The following DCHS2 variants were observed in gnomAD, a reference collection of about 807,000 sequenced individuals.
DCHS2 encodes the protein protocadherin-23.
In DCHS2, 142 loss-of-function variants were observed where a neutral mutation model predicts 182.4. The observed-to-expected ratio is 0.78, with a 90% CI of 0.68 to 0.89. DCHS2 has a LOEUF of 0.89. Ranked by LOEUF, DCHS2 falls within the 40% of genes least tolerant of loss-of-function variation. The pLI, the probability that DCHS2 is intolerant of heterozygous loss-of-function variation, is 0.00. For missense variants in DCHS2, 4,319 were observed against 4,198.6 expected, an observed-to-expected ratio of 1.03 and a Z score of -0.79; for synonymous variants, 1,740 against 1,663.3, an observed-to-expected ratio of 1.05 and a Z score of -1.12.
intron 3 of DCHS2, among the ~76,000 whole-genome samples, chr4:154,358,711 C>G (rs917347801): frequency 1.3e-5 from 2 of 151,890 alleles, no homozygotes; most frequent in Non-Finnish European, 2.9e-5. Context: ...CTTTTTTAAA[C>G]ATTTATATAT....
At chr4:154,344,188 A>G (rs1389373472) in intron 3 of DCHS2, among the ~76,000 whole-genome samples, 2 of 152,234 alleles carry the variant, frequency 1.3e-5, no homozygotes, top group Non-Finnish European at 2.9e-5. Context: ...ATTACTGATC[A>G]CAGATCATCA....
chr4:154,476,122 A>G (rs1431623318), intron 1 of DCHS2, among the ~76,000 whole-genome samples: 1 of 152,254 alleles, frequency 6.6e-6, no homozygotes, highest in African/African-American at 2.4e-5. Context: ...GAATAAACTA[A>G]AAAGTTAAAA....
intron 1 of DCHS2, among the ~76,000 whole-genome samples, chr4:154,464,953 C>T (rs1478836472): frequency 2.0e-5 from 3 of 152,122 alleles, no homozygotes; most frequent in Non-Finnish European, 4.4e-5. Flanking sequence ...TCCTAGTCTC[C>T]CCAGGTTTCC....
chr4:154,314,742 T>C (rs1735791439), intron 10 of DCHS2, among the ~76,000 whole-genome samples: 2 of 152,334 alleles, frequency 1.3e-5, no homozygotes, highest in South Asian at 2.1e-4. Flanking sequence ...TACATTGATA[T>C]ATAATGCCAT....
chr4:154,490,953 G>T lies in DCHS2; in HGVS notation c.403C>A (p.Arg135=). 4 of 1,550,356 alleles carry T rather than the reference G, an allele frequency of 2.6e-6. No homozygotes were observed. The highest frequency in any genetic ancestry group is 2.6e-6 in the Non-Finnish European group (3 of 1,146,286). ...GCGACGAAGCTGTAGTGGTCCCGCC[G>T]CTCGCGGTCCAGGCGCCGCGCAGTG... The part of the protein sequence containing the change: ...IRTARRLDRE[R]RDHYSFVAAT... Residue 135 remains arginine, a synonymous_variant, in exon 1 of 20, where the codon CGG becomes AGG. Coordinates refer to ENST00000357232, the MANE Select transcript of DCHS2 (RefSeq NM_001358235.2).
At chr4:154,445,567 G>C (rs1045822754) in intron 1 of DCHS2, among the ~76,000 whole-genome samples, 2 of 152,172 alleles carry the variant, frequency 1.3e-5, no homozygotes, top group East Asian at 3.8e-4. Context: ...CCAGTGCTTT[G>C]GGAGGCCAAG....
At chr4:154,334,812 A>C in intron 4 of DCHS2, 56 bp downstream of exon 4, 1 of 1,437,932 alleles carries the variant, frequency 7.0e-7, no homozygotes, top group Non-Finnish European at 9.7e-7. Flanking sequence ...GCCTACAAAA[A>C]AACAAGAAAT....
intron 14 of DCHS2, among the ~76,000 whole-genome samples, chr4:154,267,466 G>A (rs1429535760): frequency 6.6e-6 from 1 of 151,984 alleles, no homozygotes; most frequent in Admixed American, 6.6e-5. Flanking sequence ...AGCACTGGTG[G>A]AACCATTCCA....
chr4:154,259,714 A>C lies in DCHS2; in HGVS notation c.6620T>G (p.Val2207Gly). The C allele has an allele frequency of 6.2e-7, 1 of 1,613,946 alleles. No individual in the cohort carries two copies. The highest frequency in any genetic ancestry group is 1.1e-5 in the South Asian group (1 of 91,062). Reference protein sequence around the residue: ...VKEPKFLDFEVRNEVQLIVLA... With the variant: ...VKEPKFLDFEGRNEVQLIVLA... The stretch of plus-strand genomic sequence containing the variant: ...AACGATGAGTTGAACCTCATTTCTG[A>C]CTTCAAAATCAAGAAACTTGGGTTC... The change falls in exon 15 of 20, where the codon GTC (valine) becomes GGC (glycine). Residue 2207 changes from valine to glycine, a missense_variant. Transcript: ENST00000357232.
chr4:154,263,399 T>C, intron 14 of DCHS2, among the ~76,000 whole-genome samples: 1 of 151,900 alleles, frequency 6.6e-6, no homozygotes, highest in East Asian at 1.9e-4. Context: ...TAGACATATA[T>C]GTGTATGTAT....
At chr4:154,486,475 T>C (rs1350214574) in intron 1 of DCHS2, 3 of 1,304,806 alleles carry the variant, frequency 2.3e-6, no homozygotes. Context: ...TGTATTTCCT[T>C]TTGTTTTTGT....
intron 13 of DCHS2, among the ~76,000 whole-genome samples, chr4:154,275,864 C>G (rs1357233546): frequency 1.3e-5 from 2 of 151,890 alleles, no homozygotes; most frequent in Non-Finnish European, 2.9e-5. Flanking sequence ...TTATACATGG[C>G]CTCTCTCATA....
intron 1 of DCHS2, among the ~76,000 whole-genome samples, chr4:154,381,537 G>T (rs1269348951): frequency 6.6e-6 from 1 of 151,872 alleles, no homozygotes; most frequent in Admixed American, 6.6e-5. Context: ...TAGAGAATTC[G>T]TAAGACTCTG....
At chr4:154,356,220 A>G (rs921690638) in intron 3 of DCHS2, among the ~76,000 whole-genome samples, 5 of 152,156 alleles carry the variant, frequency 3.3e-5, no homozygotes, top group African/African-American at 1.2e-4. Context: ...AAAAGTTTAA[A>G]AAGTTAAAAA....
chr4:154,344,800 G>A (rs767522331), intron 3 of DCHS2, among the ~76,000 whole-genome samples: 73 of 152,290 alleles, frequency 4.8e-4, no homozygotes, highest in Middle Eastern at 3.4e-3. Flanking sequence ...GTGTCTCAGA[G>A]GATTAGTGCA....
chr4:154,368,516 A>T (rs1232262779), intron 2 of DCHS2, among the ~76,000 whole-genome samples: 8 of 129,962 alleles, frequency 6.2e-5, no homozygotes, highest in Admixed American at 5.5e-4. Flanking sequence ...AACGTATAAT[A>T]CTTTTTTTTT....
At position 154,488,884 on chromosome 4, in the gene DCHS2, ATATGTGTGTGTGTGTGTCTGTGTG is replaced by A. The variant is rs1358845515; in HGVS notation, c.2052+396_2052+419del. Among the ~76,000 whole-genome samples the A allele has an allele frequency of 2.3e-5, 3 of 130,388 alleles. No homozygotes were observed. The South Asian group carries it at 9.2e-4, about 40-fold the overall frequency. 85.5% of individuals were successfully genotyped at this position (130,388 alleles called of 152,430 possible). ...GACACTCTGTTTGACAAAAATATAT[ATATGTGTGTGTGTGTGTCTGTGTG>A]TGTGTGTGTGTGTGTGTGTGTGTGT... On this transcript the variant is annotated intron_variant, in intron 1 of 19. Coordinates refer to ENST00000357232, the MANE Select transcript of DCHS2 (RefSeq NM_001358235.2).
chr4:154,481,664 G>A (rs1174025620), intron 1 of DCHS2, among the ~76,000 whole-genome samples: 2 of 152,126 alleles, frequency 1.3e-5, no homozygotes, highest in Admixed American at 1.3e-4. Context: ...GCTAGGCAGT[G>A]CTCTGTGTCC....
At chr4:154,327,804 T>C (rs1736343785) in intron 7 of DCHS2, among the ~76,000 whole-genome samples, 1 of 152,182 alleles carries the variant, frequency 6.6e-6, no homozygotes, top group Admixed American at 6.5e-5. Context: ...TCAATAAAAG[T>C]AAATTTGTAC....
Sources: allele counts gnomAD v4.1 joint callset (sites outside exome capture counted in the v4.1 genomes callset), GRCh38; gene constraint gnomAD v4.1.1; transcripts MANE v1.5; gene names NCBI Gene and HGNC (gene_info 2026-07-23, HGNC 2026-07-21).